Variants in RANBP2 observed in about 807,000 individuals in gnomAD.
The protein encoded by RANBP2 is RAN binding protein 2, also known as E3 SUMO-protein ligase RanBP2.
Under a neutral mutation model 303.6 loss-of-function variants are expected in RANBP2, and 57 were observed. That is an observed-to-expected ratio of 0.19 (90% CI 0.15 to 0.23). The LOEUF (loss-of-function observed/expected upper bound fraction) is 0.23, where lower values mean the gene tolerates loss of function less well. Among genes scored for constraint, RANBP2 ranks in the 10% least tolerant of loss-of-function variants. The pLI is 1.00. For synonymous variants in RANBP2, 1,167 were observed against 1,301.5 expected, an observed-to-expected ratio of 0.90 and a Z score of 2.23; for missense variants, 3,138 against 3,780.8, an observed-to-expected ratio of 0.83 and a Z score of 4.46.
the RANBP2 span, among the ~76,000 whole-genome samples, chr2:109,293,887 C>T: frequency 4.6e-5 from 7 of 152,324 alleles, no homozygotes; most frequent in East Asian, 9.7e-4. Context: ...GTGAAACAGC[C>T]TGAGGCTTGT....
the RANBP2 span, among the ~76,000 whole-genome samples, chr2:109,439,869 A>G: frequency 6.6e-6 from 1 of 152,170 alleles, no homozygotes; most frequent in Non-Finnish European, 1.5e-5. Flanking sequence ...TGGGTTTGCT[A>G]AAGGGCTGCA....
At chr2:109,089,447 A>C in the RANBP2 span, among the ~76,000 whole-genome samples, 1 of 152,062 alleles carries the variant, frequency 6.6e-6, no homozygotes, top group Non-Finnish European at 1.5e-5. Flanking sequence ...CTATTTAAAA[A>C]AAAAAAAAAT....
At chr2:109,490,662 T>G in the RANBP2 span, 1 of 1,508,746 alleles carries the variant, frequency 6.6e-7, no homozygotes, top group Admixed American at 2.1e-5. Context: ...CAAGAAGAAG[T>G]CACGCTCCCC....
At chr2:108,794,419 C>G in the RANBP2 span, 7 of 933,906 alleles carry the variant, frequency 7.5e-6, no homozygotes, top group Admixed American at 2.3e-4. Flanking sequence ...TTCTTTGTCT[C>G]TCTTGAAACT....
chr2:109,211,201 C>T, the RANBP2 span, among the ~76,000 whole-genome samples: 454 of 152,292 alleles, frequency 3.0e-3, 4 homozygotes, highest in African/African-American at 9.7e-3. Flanking sequence ...GGGGGCTGCT[C>T]CTTGGCTGGG....
At chr2:108,825,706 G>A in the RANBP2 span, among the ~76,000 whole-genome samples, 1 of 152,112 alleles carries the variant, frequency 6.6e-6, no homozygotes, top group Non-Finnish European at 1.5e-5. Flanking sequence ...TCACTTGATA[G>A]ACTTTTGGGT....
the RANBP2 span, among the ~76,000 whole-genome samples, chr2:109,367,205 C>G: frequency 6.7e-6 from 1 of 148,186 alleles, no homozygotes. Flanking sequence ...CTCAAGTGAT[C>G]TGCCTACTTC....
the RANBP2 span, among the ~76,000 whole-genome samples, chr2:109,627,206 A>G: frequency 6.6e-6 from 1 of 152,156 alleles, no homozygotes; most frequent in African/African-American, 2.4e-5. Context: ...TTGTGTATTT[A>G]TTTAGTTTGA....
the RANBP2 span, among the ~76,000 whole-genome samples, chr2:109,080,911 T>A: frequency 6.6e-6 from 1 of 152,280 alleles, no homozygotes; most frequent in East Asian, 1.9e-4. Flanking sequence ...ATTGGATAGT[T>A]CACAAAACCT....
At chr2:109,353,529 G>A in the RANBP2 span, among the ~76,000 whole-genome samples, 4 of 152,198 alleles carry the variant, frequency 2.6e-5, no homozygotes, top group South Asian at 2.1e-4. Context: ...AGCAAGGGGC[G>A]CCTGGAGGGA....
chr2:109,455,260 G>C, the RANBP2 span, among the ~76,000 whole-genome samples: 95 of 152,242 alleles, frequency 6.2e-4, no homozygotes, highest in African/African-American at 2.1e-3. Context: ...GCTGGCCTTG[G>C]GGGGAGAAAG....
At chr2:108,906,314 C>T in the RANBP2 span, 18 of 1,614,076 alleles carry the variant, frequency 1.1e-5, no homozygotes, top group East Asian at 8.9e-5. Flanking sequence ...TTACCTTCCA[C>T]GACTCCACAC....
the RANBP2 span, among the ~76,000 whole-genome samples, chr2:109,131,331 G>C: frequency 1.3e-5 from 2 of 152,094 alleles, no homozygotes; most frequent in Admixed American, 6.5e-5. Context: ...TGCTGAAGGG[G>C]AATTTTTTTC....
chr2:108,949,205 C>T, the RANBP2 span, among the ~76,000 whole-genome samples: 2 of 152,134 alleles, frequency 1.3e-5, no homozygotes, highest in Non-Finnish European at 2.9e-5. Flanking sequence ...TGGTGGTGTA[C>T]TCCTGAGCTC....
At chr2:109,629,335 ATATATATATATATATATATATTTTT>A in the RANBP2 span, among the ~76,000 whole-genome samples, 334 of 9,488 alleles carry the variant, frequency 0.035, 10 homozygotes, top group African/African-American at 0.077. Flanking sequence ...ATATATATAT[ATATATATATATATATATATATTTTT>A]TTTTTTTTTT....
the RANBP2 span, among the ~76,000 whole-genome samples, chr2:109,405,076 C>T: frequency 9.2e-5 from 14 of 151,568 alleles, no homozygotes; most frequent in Admixed American, 2.0e-4. Flanking sequence ...CTTCTCTTCC[C>T]ATCCTGGGCA....
the RANBP2 span, chr2:109,546,042 C>T: frequency 1.3e-6 from 2 of 1,559,310 alleles, no homozygotes; most frequent in East Asian, 2.3e-5. Context: ...GGTGGCTGGG[C>T]CTCTTACTTC....
the RANBP2 span, among the ~76,000 whole-genome samples, chr2:109,201,285 A>T: frequency 6.6e-6 from 1 of 152,180 alleles, no homozygotes; most frequent in Non-Finnish European, 1.5e-5. Context: ...GAAGCCTTTC[A>T]CAGACAGACC....
At chr2:109,708,952 G>T in the RANBP2 span, among the ~76,000 whole-genome samples, 6 of 152,028 alleles carry the variant, frequency 3.9e-5, no homozygotes, top group African/African-American at 1.4e-4. Flanking sequence ...ACTCCAGCCT[G>T]GGCAACAGAG....
Sources: gnomAD v4.1 joint callset for allele counts (sites outside exome capture counted in the v4.1 genomes callset) on GRCh38, gnomAD v4.1.1 for gene constraint, MANE v1.5 for transcripts, NCBI Gene and HGNC (gene_info 2026-07-23, HGNC 2026-07-21) for gene names.